The following ALG13 variants were observed in gnomAD, a reference collection of about 807,000 sequenced individuals.
The protein encoded by ALG13 is UDP-N-acetylglucosamine transferase subunit ALG13.
Under a neutral mutation model 87.8 loss-of-function variants are expected in ALG13, and 11 were observed. The ratio of observed to expected loss-of-function variants is 0.13; its 90% confidence interval spans 0.08 to 0.21. The LOEUF (loss-of-function observed/expected upper bound fraction) is 0.21. Among genes scored for constraint, ALG13 ranks in the 10% least tolerant of loss-of-function variants. The pLI is 1.00. For missense variants in ALG13, 756 were observed against 866.1 expected (o/e 0.87, Z 1.60); for synonymous variants, 320 against 306.3 (o/e 1.04, Z -0.47).
chrX:111,725,603 G>C (rs898330944), intron 15 of ALG13, among the ~76,000 whole-genome samples: 1 of 111,428 alleles, frequency 9.0e-6, no homozygotes, highest in Non-Finnish European at 1.9e-5. Context: ...TAGAGGACTG[G>C]ATTTGGAATG....
At chrX:111,738,465 G>A (rs1287341538) in intron 23 of ALG13, among the ~76,000 whole-genome samples, 16 of 112,347 alleles carry the variant, frequency 1.4e-4, no homozygotes, top group African/African-American at 5.2e-4. Context: ...TTGAATTTCA[G>A]ATTTTCAAAT....
intron 26 of ALG13, among the ~76,000 whole-genome samples, 155 bp downstream of exon 26, chrX:111,757,917 C>G (rs936786812): frequency 1.8e-5 from 2 of 111,769 alleles, no homozygotes; most frequent in Non-Finnish European, 3.8e-5. Context: ...AAGACTCTTT[C>G]AAGGGATTCA....
At chrX:111,733,207 A>G (rs1942891485) in intron 21 of ALG13, among the ~76,000 whole-genome samples, 1 of 111,420 alleles carries the variant, frequency 9.0e-6, no homozygotes, top group Non-Finnish European at 1.9e-5. Context: ...TTCTTTAGTG[A>G]TGACTTCTGA....
chrX:111,682,688 A>G (rs1048099569), intron 2 of ALG13, among the ~76,000 whole-genome samples: 15 of 112,045 alleles, frequency 1.3e-4, no homozygotes, highest in Admixed American at 1.9e-4. Context: ...GAGCAAAATA[A>G]TTTACCCGGG....
intron 8 of ALG13, among the ~76,000 whole-genome samples, chrX:111,715,697 G>A (rs1383955353): frequency 8.9e-6 from 1 of 112,404 alleles, no homozygotes; most frequent in East Asian, 2.8e-4. Context: ...CAGCCTGGGC[G>A]ACAGAGCAAG....
intron 25 of ALG13, 32 bp from the exon 26 acceptor site, chrX:111,757,556 T>G (rs1424760086): frequency 6.3e-6 from 7 of 1,112,561 alleles, no homozygotes; most frequent in Non-Finnish European, 7.2e-6. Flanking sequence ...GAGTGAAGTT[T>G]CTTATTTTTT....
At chrX:111,726,229 TTTG>T (rs1942000810) in intron 15 of ALG13, among the ~76,000 whole-genome samples, 1 of 96,535 alleles carries the variant, frequency 1.0e-5, no homozygotes, top group African/African-American at 4.4e-5. Flanking sequence ...ACAGGCGTGT[TTTG>T]TTTTTTTTTT....
intron 23 of ALG13, chrX:111,743,710 T>C (rs951693246): frequency 8.9e-6 from 1 of 111,883 alleles, no homozygotes; most frequent in Non-Finnish European, 1.9e-5. Context: ...GTGTGAATTG[T>C]TCCTATGCTC....
intron 6 of ALG13, 66 bp from the exon 7 acceptor site, chrX:111,712,418 T>C (rs1266036395): frequency 1.4e-6 from 1 of 734,668 alleles, no homozygotes; most frequent in Non-Finnish European, 2.0e-6. Context: ...AAATTTGTTG[T>C]GCTTGAAAAA....
chrX:111,747,772 A>C (rs1944375551), intron 24 of ALG13, among the ~76,000 whole-genome samples: 1 of 112,337 alleles, frequency 8.9e-6, no homozygotes, highest in African/African-American at 3.2e-5. Flanking sequence ...GGTGTCAGCC[A>C]CCACGCCCTG....
At chrX:111,707,229 TAC>T (rs1938933994) in intron 3 of ALG13, among the ~76,000 whole-genome samples, 1 of 112,471 alleles carries the variant, frequency 8.9e-6, no homozygotes, top group Non-Finnish European at 1.9e-5. Flanking sequence ...ACTCATCTCA[TAC>T]TCTACCATAC....
chrX:111,708,507 C>A, intron 4 of ALG13, 114 bp downstream of exon 4: 1 of 942,916 alleles, frequency 1.1e-6, no homozygotes, highest in Non-Finnish European at 1.5e-6. Flanking sequence ...GTGAAAACAT[C>A]GGGCCTGTCA....
intron 22 of ALG13, 84 bp from the exon 23 acceptor site, chrX:111,736,630 A>T: frequency 1.1e-6 from 1 of 894,832 alleles, no homozygotes; most frequent in East Asian, 3.2e-5. Flanking sequence ...TAAACTAATT[A>T]CTATTTTCTG....
intron 3 of ALG13, among the ~76,000 whole-genome samples, chrX:111,700,279 A>G (rs1326492782): frequency 9.1e-6 from 1 of 110,421 alleles, no homozygotes; most frequent in Non-Finnish European, 1.9e-5. Context: ...TTTTTGGTGT[A>G]GTTTTTAGGT....
At chrX:111,729,970 G>C (rs572036944) in intron 19 of ALG13, among the ~76,000 whole-genome samples, 2 of 112,365 alleles carry the variant, frequency 1.8e-5, no homozygotes, top group South Asian at 7.4e-4. Flanking sequence ...AAAGGCCTAT[G>C]AGCTAGGTAC....
intron 23 of ALG13, among the ~76,000 whole-genome samples, chrX:111,737,740 G>A (rs1040009443): frequency 8.0e-5 from 9 of 112,445 alleles, no homozygotes; most frequent in Admixed American, 7.5e-4. Context: ...AGACAATTTG[G>A]AAGCAGCAGC....
chrX:111,713,326 A>G, intron 8 of ALG13, 29 bp downstream of exon 8: 18 of 1,004,363 alleles, frequency 1.8e-5, no homozygotes, highest in Non-Finnish European at 2.5e-5. Context: ...GTTGACTTAT[A>G]TAAAAGAAGT....
At chrX:111,727,922 C>T (rs1236318528) in intron 18 of ALG13, among the ~76,000 whole-genome samples, 152 bp downstream of exon 18, 1 of 112,019 alleles carries the variant, frequency 8.9e-6, no homozygotes, top group Middle Eastern at 4.2e-3. Flanking sequence ...ACATTTTCTC[C>T]CAGCTGTTCC....
intron 3 of ALG13, among the ~76,000 whole-genome samples, chrX:111,696,706 A>G (rs1937010999): frequency 8.9e-6 from 1 of 112,026 alleles, no homozygotes; most frequent in Non-Finnish European, 1.9e-5. Flanking sequence ...GCTAAATTTC[A>G]GTATAAAAAG....
Sources: allele counts gnomAD v4.1 joint callset (sites outside exome capture counted in the v4.1 genomes callset), GRCh38; gene constraint gnomAD v4.1.1; transcripts MANE v1.5; gene names NCBI Gene and HGNC (gene_info 2026-07-23, HGNC 2026-07-21).